The following SEMA3A variants were observed in gnomAD, a reference collection of about 807,000 sequenced individuals.
The protein encoded by SEMA3A is semaphorin 3A.
SEMA3A carries 29 observed loss-of-function variants against 97.9 expected under a neutral mutation model. The observed-to-expected ratio is 0.30, with a 90% confidence interval of 0.22 to 0.40. SEMA3A has a LOEUF of 0.40. Among genes scored for constraint, SEMA3A ranks in the 10% least tolerant of loss-of-function variants. SEMA3A has a pLI of 1.00. For missense variants in SEMA3A, 763 were observed against 951.3 expected, an observed-to-expected ratio of 0.80 and a Z score of 2.60; for synonymous variants, 321 against 323.7, an observed-to-expected ratio of 0.99 and a Z score of 0.09.
At chr7:83,991,096 T>C (rs1789905413) in intron 12 of SEMA3A, among the ~76,000 whole-genome samples, 1 of 149,880 alleles carries the variant, frequency 6.7e-6, no homozygotes, top group Non-Finnish European at 1.5e-5. Context: ...GAATGGGAGT[T>C]CACTCATGAT....
chr7:84,344,898 G>A (rs1802258515), intron 2 of SEMA3A, among the ~76,000 whole-genome samples: 2 of 151,888 alleles, frequency 1.3e-5, no homozygotes, highest in Admixed American at 6.6e-5. Context: ...AATAAGGCAA[G>A]GCACACACTG....
chr7:84,234,825 C>T (rs764076798), intron 3 of SEMA3A, among the ~76,000 whole-genome samples: 33 of 151,954 alleles, frequency 2.2e-4, no homozygotes, highest in Non-Finnish European at 4.3e-4. Flanking sequence ...CGTGTGTGTG[C>T]CATTTCAATT....
In SEMA3A at chr7:84,099,179, TCC is replaced by T. The variant is rs1454929585; in HGVS notation, c.453+11289_453+11290del. ...TCCGCCTCCCGGGTTCACGCCATTCTCCTGCCTCAGCCTCCCGAGTAGCTGGG... is the reference window on the plus strand; with the variant it reads ...TCCGCCTCCCGGGTTCACGCCATTCTTGCCTCAGCCTCCCGAGTAGCTGGG... On this transcript the variant is annotated intron_variant, in intron 4 of 16. Transcript: ENST00000265362. 5.9e-5 allele frequency among the ~76,000 whole-genome samples: 5 copies of T among 85,294 alleles called. 2 individuals are homozygous for T. The highest frequency in any genetic ancestry group is 1.5e-4 in the Non-Finnish European group (5 of 33,142). 56.0% of individuals were successfully genotyped at this position (85,294 alleles called of 152,430 possible).
chr7:84,397,431 T>C (rs1803765753), intron 1 of SEMA3A, among the ~76,000 whole-genome samples: 2 of 148,076 alleles, frequency 1.4e-5, no homozygotes, highest in Admixed American at 1.4e-4. Flanking sequence ...ATATAAAATA[T>C]ATAATATATA....
At chr7:84,039,087 T>G (rs935682834) in intron 6 of SEMA3A, among the ~76,000 whole-genome samples, 1 of 152,160 alleles carries the variant, frequency 6.6e-6, no homozygotes, top group Non-Finnish European at 1.5e-5. Context: ...AAATATGTAT[T>G]GTCTACTTTG....
chr7:84,218,250 C>T lies in SEMA3A; in HGVS notation c.-82-23582G>A, dbSNP rs112648237. On this transcript the variant is annotated intron_variant, in intron 3 of 3. Transcript: ENST00000424555. ...CATATTGCAGATCTTTGGTCCTTGT[C>T]GATGGGATTTTTTAATACTAATAAT... Among the ~76,000 whole-genome samples, 8 of 151,860 alleles carry T rather than the reference C, an allele frequency of 5.3e-5. 1 individual carries two copies. Among genetic ancestry groups the T allele is most frequent in the East Asian group, 1.9e-4 (1 of 5,170 alleles).
At chr7:84,321,162 T>C (rs946142811) in intron 2 of SEMA3A, among the ~76,000 whole-genome samples, 7 of 152,204 alleles carry the variant, frequency 4.6e-5, no homozygotes, top group African/African-American at 7.2e-5. Context: ...ACATAGATTG[T>C]AAACCTAAAT....
chr7:84,486,258 T>A (rs183595086), intron 1 of SEMA3A, among the ~76,000 whole-genome samples: 1 of 152,192 alleles, frequency 6.6e-6, no homozygotes, highest in East Asian at 1.9e-4. Context: ...CGTGGTGGCA[T>A]GTGCCTGTAA....
At chr7:84,203,665 G>A (rs112647162) in intron 3 of SEMA3A, among the ~76,000 whole-genome samples, 109 of 150,162 alleles carry the variant, frequency 7.3e-4, no homozygotes, top group African/African-American at 2.6e-3. Flanking sequence ...CCAAGTAGCA[G>A]GGATTACAGG....
intron 3 of SEMA3A, among the ~76,000 whole-genome samples, chr7:84,214,131 AATAG>A (rs1337892318): frequency 1.3e-5 from 2 of 152,338 alleles, no homozygotes; most frequent in South Asian, 2.1e-4. Context: ...TTGGACTATG[AATAG>A]ATACTTTTTT....
chr7:84,026,883 A>G (rs1477539775), intron 6 of SEMA3A, among the ~76,000 whole-genome samples: 6 of 152,160 alleles, frequency 3.9e-5, no homozygotes, highest in African/African-American at 9.7e-5. Flanking sequence ...GCAGAAAAAA[A>G]TAACTATTGG....
chr7:83,988,122 C>G (rs371834965), intron 12 of SEMA3A, among the ~76,000 whole-genome samples: 1 of 152,172 alleles, frequency 6.6e-6, no homozygotes, highest in African/African-American at 2.4e-5. Flanking sequence ...TCTCATCCTC[C>G]AGCCACTCCT....
chr7:84,154,145 T>G (rs1584048693), intron 1 of SEMA3A, among the ~76,000 whole-genome samples: 1 of 152,278 alleles, frequency 6.6e-6, no homozygotes, highest in East Asian at 1.9e-4. Context: ...ATAGAACCAT[T>G]TTTTAATATA....
chr7:84,099,485 A>C (rs944272888), intron 4 of SEMA3A, among the ~76,000 whole-genome samples: 1 of 152,152 alleles, frequency 6.6e-6, no homozygotes, highest in African/African-American at 2.4e-5. Context: ...ATATGCTATC[A>C]ATGCAAAACT....
intron 6 of SEMA3A, among the ~76,000 whole-genome samples, chr7:84,021,670 T>A (rs1456572907): frequency 1.3e-5 from 2 of 152,226 alleles, no homozygotes; most frequent in Non-Finnish European, 2.9e-5. Flanking sequence ...CTAATATCCC[T>A]ATTTTTTTCT....
intron 1 of SEMA3A, among the ~76,000 whole-genome samples, chr7:84,485,697 A>T (rs1806557667): frequency 6.6e-6 from 1 of 152,112 alleles, no homozygotes; most frequent in South Asian, 2.1e-4. Flanking sequence ...AGACATCCTT[A>T]CCAGTACTAA....
At chr7:84,081,526 G>A (rs1055271070) in intron 4 of SEMA3A, among the ~76,000 whole-genome samples, 10 of 151,560 alleles carry the variant, frequency 6.6e-5, no homozygotes, top group African/African-American at 2.4e-4. Context: ...CCGGGAGGCG[G>A]AGCTTGCAGT....
At chr7:84,116,158 G>A (rs12707617) in intron 3 of SEMA3A, among the ~76,000 whole-genome samples, 110,146 of 151,878 alleles carry the variant, frequency 0.73, 40,397 homozygotes, top group East Asian at 0.91. Context: ...ATTTTTGTTG[G>A]AGTCTTTAAT....
intron 5 of SEMA3A, among the ~76,000 whole-genome samples, chr7:84,057,907 TCA>T (rs1395895656): frequency 6.6e-6 from 1 of 152,156 alleles, no homozygotes; most frequent in African/African-American, 2.4e-5. Context: ...GGGACTTCAT[TCA>T]GTAGCTTTGC....
Sources: gnomAD v4.1 joint callset for allele counts (sites outside exome capture counted in the v4.1 genomes callset) on GRCh38, gnomAD v4.1.1 for gene constraint, MANE v1.5 for transcripts, NCBI Gene and HGNC (gene_info 2026-07-23, HGNC 2026-07-21) for gene names.